The following IGFL2 variants were observed in gnomAD, a reference collection of about 807,000 sequenced individuals.
IGFL2 encodes IGF like family member 2.
IGFL2 carries 7 observed loss-of-function variants against 13.9 expected under a neutral mutation model. That is an observed-to-expected ratio of 0.51 (90% CI 0.29 to 0.95). IGFL2 has a LOEUF of 0.95. IGFL2 is among the 40% of genes least tolerant of loss of function. The pLI, the probability that IGFL2 is intolerant of heterozygous loss-of-function variation, is 0.08. For missense variants in IGFL2, 138 were observed against 147.8 expected, an observed-to-expected ratio of 0.93 and a Z score of 0.34; for synonymous variants, 55 against 55.8, an observed-to-expected ratio of 0.99 and a Z score of 0.07.
intron 1 of IGFL2, among the ~76,000 whole-genome samples, chr19:46,151,606 A>G (rs1027586916): frequency 4.6e-5 from 7 of 152,114 alleles, no homozygotes; most frequent in Non-Finnish European, 1.0e-4. Context: ...TTTAGGATCA[A>G]CTGATTAATT....
the IGFL2 span, chr19:46,181,429 C>G: frequency 6.6e-6 from 1 of 152,218 alleles, no homozygotes; most frequent in Non-Finnish European, 1.5e-5. Flanking sequence ...ACTTGTTTTT[C>G]TATAAGTTGC....
At chr19:46,174,906 A>G in the IGFL2 span, among the ~76,000 whole-genome samples, 1 of 152,224 alleles carries the variant, frequency 6.6e-6, no homozygotes, top group Non-Finnish European at 1.5e-5. Context: ...TCTTTAGCAA[A>G]AGGATTGATC....
At chr19:46,083,865 T>C in the IGFL2 span, among the ~76,000 whole-genome samples, 1 of 152,322 alleles carries the variant, frequency 6.6e-6, no homozygotes, top group South Asian at 2.1e-4. Context: ...CTCGGTTGTT[T>C]GGGAATAGTC....
At chr19:46,136,940 A>G in the IGFL2 span, 2 of 1,146,364 alleles carry the variant, frequency 1.7e-6, no homozygotes, top group Non-Finnish European at 2.6e-6. Context: ...AGGTGTCTGT[A>G]AAGTTGTTGG....
At chr19:46,164,088 G>GACCTCTTC (rs1555749058), downstream of IGFL2, 1 of 152,290 alleles carries the variant, frequency 6.6e-6, no homozygotes, top group African/African-American at 2.4e-5. Flanking sequence ...TGTGCTGGGG[G>GACCTCTTC]TCCATGTCAG....
At chr19:46,113,299 T>C in the IGFL2 span, 22 of 275,074 alleles carry the variant, frequency 8.0e-5, 1 homozygote, top group South Asian at 7.1e-4. Flanking sequence ...TTCTGCACTT[T>C]CCTGGTATGC....
chr19:46,197,899 C>T, the IGFL2 span, among the ~76,000 whole-genome samples: 1 of 151,932 alleles, frequency 6.6e-6, no homozygotes, highest in African/African-American at 2.4e-5. Context: ...GTCATGTTGC[C>T]CAGGCTTGTC....
the IGFL2 span, among the ~76,000 whole-genome samples, chr19:46,097,424 A>G: frequency 6.6e-6 from 1 of 151,912 alleles, no homozygotes; most frequent in Non-Finnish European, 1.5e-5. Flanking sequence ...TAGTCTAGCT[A>G]GCAGTCTATT....
chr19:46,168,412 T>TA, the IGFL2 span, among the ~76,000 whole-genome samples: 1 of 152,232 alleles, frequency 6.6e-6, no homozygotes, highest in African/African-American at 2.4e-5. Context: ...GAAAATATTT[T>TA]CAATTTTCAG....
upstream of IGFL2, among the ~76,000 whole-genome samples, chr19:46,141,643 C>T (rs1264588336): frequency 1.3e-5 from 2 of 152,108 alleles, no homozygotes; most frequent in Non-Finnish European, 2.9e-5. Context: ...CAACATGACT[C>T]ACCTACCAGC....
the IGFL2 span, among the ~76,000 whole-genome samples, chr19:46,097,368 T>C: frequency 6.6e-6 from 1 of 152,208 alleles, no homozygotes; most frequent in Non-Finnish European, 1.5e-5. Flanking sequence ...TGCTATCCTC[T>C]TTATCATTTT....
At chr19:46,134,116 G>C in the IGFL2 span, among the ~76,000 whole-genome samples, 4 of 152,174 alleles carry the variant, frequency 2.6e-5, no homozygotes, top group African/African-American at 7.2e-5. Context: ...TCTTGAGGAA[G>C]AGACCACCTG....
At chr19:46,140,172 A>G (rs1972794956), upstream of IGFL2, among the ~76,000 whole-genome samples, 1 of 151,486 alleles carries the variant, frequency 6.6e-6, no homozygotes, top group Non-Finnish European at 1.5e-5. Flanking sequence ...TTGGTCTTGA[A>G]CTGACCTCAG....
the IGFL2 span, among the ~76,000 whole-genome samples, chr19:46,119,165 A>G: frequency 6.6e-6 from 1 of 152,122 alleles, no homozygotes; most frequent in Non-Finnish European, 1.5e-5. Context: ...AACAGGGTAG[A>G]CTAAGCTCTC....
chr19:46,191,945 G>A, the IGFL2 span, among the ~76,000 whole-genome samples: 1 of 151,740 alleles, frequency 6.6e-6, no homozygotes, highest in Non-Finnish European at 1.5e-5. Context: ...TTTCTTCTTG[G>A]CATAGCTTGT....
the IGFL2 span, chr19:46,113,772 G>A: frequency 6.3e-6 from 1 of 158,758 alleles, no homozygotes; most frequent in African/African-American, 2.4e-5. Flanking sequence ...AATTAAATGG[G>A]GTGTTCAGCC....
intron 1 of IGFL2, among the ~76,000 whole-genome samples, chr19:46,156,477 T>G (rs2146868650): frequency 6.6e-6 from 1 of 152,326 alleles, no homozygotes; most frequent in Non-Finnish European, 1.5e-5. Context: ...GACCATAATT[T>G]GATCAAGCTA....
At position 46,156,630 on chromosome 19, in the gene IGFL2, A is replaced by G. The variant is rs2146869265; in HGVS notation, c.20-3785A>G. On this transcript the variant is annotated intron_variant, in intron 1 of 3. Coordinates refer to ENST00000377693, the MANE Select transcript of IGFL2 (RefSeq NM_001135113.2). Reference sequence around the variant, plus strand: ...AATACAATATATCAAAATTTATGGAACATATATAAAGCAGTGCTAAGTGTG... The same window carrying G: ...AATACAATATATCAAAATTTATGGAGCATATATAAAGCAGTGCTAAGTGTG... Among the ~76,000 whole-genome samples the G allele has an allele frequency of 2.0e-5, 3 of 152,332 alleles. No homozygotes were observed. The South Asian group carries it at 6.2e-4, about 32-fold the overall frequency.
the IGFL2 span, chr19:46,198,025 C>CCTTCCTTCCTT: frequency 7.9e-6 from 1 of 126,256 alleles, no homozygotes. Context: ...CTCCCTCCCT[C>CCTTCCTTCCTT]CCTTCCTTCC....
Sources: allele counts gnomAD v4.1 joint callset (sites outside exome capture counted in the v4.1 genomes callset), GRCh38; gene constraint gnomAD v4.1.1; transcripts MANE v1.5; gene names NCBI Gene and HGNC (gene_info 2026-07-23, HGNC 2026-07-21).